TMEM74: variants seen among roughly 807,000 people sequenced by gnomAD.
TMEM74 encodes the protein transmembrane protein 74.
Under a neutral mutation model 18.1 loss-of-function variants are expected in TMEM74, and 13 were observed. The ratio of observed to expected loss-of-function variants is 0.72; its 90% CI spans 0.47 to 1.14. The LOEUF (loss-of-function observed/expected upper bound fraction) is 1.14, where lower values mean the gene tolerates loss of function less well. Among genes scored for constraint, TMEM74 ranks in the 50% most tolerant of loss-of-function variants. TMEM74 has a pLI of 0.00. For synonymous variants in TMEM74, 159 were observed against 146.6 expected (o/e 1.08, Z -0.61); for missense variants, 372 against 375.9 (o/e 0.99, Z 0.09).
intron 1 of TMEM74, among the ~76,000 whole-genome samples, chr8:108,709,353 G>A (rs1188553856): frequency 2.6e-5 from 4 of 152,082 alleles, no homozygotes; most frequent in African/African-American, 4.8e-5. Context: ...CCTTAAAAAA[G>A]AAGGGTATCC....
At chr8:108,737,651 G>T (rs913876026) in intron 1 of TMEM74, among the ~76,000 whole-genome samples, 8 of 152,028 alleles carry the variant, frequency 5.3e-5, no homozygotes, top group African/African-American at 1.9e-4. Flanking sequence ...CTGGGGTAAG[G>T]GTGTCCTTAG....
intron 1 of TMEM74, among the ~76,000 whole-genome samples, chr8:108,698,982 C>T (rs1444550110): frequency 1.3e-5 from 2 of 152,074 alleles, no homozygotes. Context: ...CAGCAGTTAA[C>T]AAATAACCCT....
chr8:108,703,730 C>A (rs1007983003), intron 1 of TMEM74, among the ~76,000 whole-genome samples: 7 of 152,216 alleles, frequency 4.6e-5, no homozygotes, highest in African/African-American at 1.7e-4. Flanking sequence ...TACTCAGCAT[C>A]TGCGGTCAAT....
chr8:108,611,551 A>G (rs1364609076), intron 2 of TMEM74, among the ~76,000 whole-genome samples: 1 of 152,202 alleles, frequency 6.6e-6, no homozygotes, highest in African/African-American at 2.4e-5. Context: ...AAATTAATAG[A>G]TAGTGCTCTT....
At chr8:108,748,347 G>A (rs1315259815) in intron 1 of TMEM74, among the ~76,000 whole-genome samples, 1 of 152,046 alleles carries the variant, frequency 6.6e-6, no homozygotes, top group Non-Finnish European at 1.5e-5. Context: ...ATGTTTGTTG[G>A]CCACATATAT....
intron 2 of TMEM74, among the ~76,000 whole-genome samples, chr8:108,618,855 G>A (rs1024737020): frequency 1.3e-5 from 2 of 152,074 alleles, no homozygotes; most frequent in African/African-American, 4.8e-5. Context: ...CACCCAGTTA[G>A]CAAAATGTGA....
chr8:108,734,828 C>A (rs1214270858), intron 1 of TMEM74, among the ~76,000 whole-genome samples: 1 of 152,198 alleles, frequency 6.6e-6, no homozygotes, highest in Non-Finnish European at 1.5e-5. Flanking sequence ...TTATCACATT[C>A]AGGCCTGTGT....
intron 1 of TMEM74, among the ~76,000 whole-genome samples, chr8:108,767,440 A>T (rs769405696): frequency 6.6e-6 from 1 of 152,130 alleles, no homozygotes; most frequent in African/African-American, 2.4e-5. Flanking sequence ...ACTCAATATT[A>T]TGTCTTTAGC....
chr8:108,777,584 A>G (rs1017689598), downstream of TMEM74, among the ~76,000 whole-genome samples: 1 of 152,214 alleles, frequency 6.6e-6, no homozygotes, highest in African/African-American at 2.4e-5. Flanking sequence ...TATTTTCTTT[A>G]GTTTATAAAA....
intron 2 of TMEM74, among the ~76,000 whole-genome samples, chr8:108,630,190 T>C (rs1375853225): frequency 6.6e-6 from 1 of 151,794 alleles, no homozygotes. Flanking sequence ...ACAATCCTAG[T>C]CTCTGAGATA....
At chr8:108,715,582 G>A (rs1813515380) in intron 1 of TMEM74, among the ~76,000 whole-genome samples, 1 of 152,078 alleles carries the variant, frequency 6.6e-6, no homozygotes, top group Non-Finnish European at 1.5e-5. Context: ...TTTATGTCAT[G>A]TAATAATGAG....
chr8:108,758,944 GC>G (rs1212810738), intron 1 of TMEM74, among the ~76,000 whole-genome samples: 1 of 151,956 alleles, frequency 6.6e-6, no homozygotes, highest in Non-Finnish European at 1.5e-5. Flanking sequence ...AAATCCAGCT[GC>G]CAAATGACGA....
intron 1 of TMEM74, among the ~76,000 whole-genome samples, chr8:108,665,845 T>C (rs1812944364): frequency 6.6e-6 from 1 of 152,182 alleles, no homozygotes; most frequent in Non-Finnish European, 1.5e-5. Flanking sequence ...TAAAGGATAC[T>C]TGATTCAAAA....
chr8:108,644,543 CT>C (rs1477573085), intron 2 of TMEM74, among the ~76,000 whole-genome samples: 2 of 152,152 alleles, frequency 1.3e-5, no homozygotes, highest in Non-Finnish European at 2.9e-5. Flanking sequence ...GCAAAAGAAA[CT>C]GTCAACAGAC....
At chr8:108,652,836 A>C in intron 2 of TMEM74, 1 of 532,576 alleles carries the variant, frequency 1.9e-6, no homozygotes, top group East Asian at 4.5e-5. Flanking sequence ...ACAGATATGA[A>C]GGTTGTATGG....
intron 2 of TMEM74, among the ~76,000 whole-genome samples, chr8:108,620,299 T>C (rs148847523): frequency 3.3e-5 from 5 of 152,288 alleles, no homozygotes; most frequent in African/African-American, 4.8e-5. Context: ...ACCATAAATA[T>C]GTAGAATTTC....
At chr8:108,749,535 T>C (rs1031193842) in intron 1 of TMEM74, among the ~76,000 whole-genome samples, 26 of 152,184 alleles carry the variant, frequency 1.7e-4, no homozygotes, top group Non-Finnish European at 2.9e-5. Flanking sequence ...GCCTATCAGC[T>C]TAAGAAGCTT....
Position 108,755,937 on chromosome 8 carries a change from AT to A in TMEM74, n.119+31538del, listed in dbSNP as rs550827240. Among the ~76,000 whole-genome samples, 763 of 152,136 alleles carry A rather than the reference AT, an allele frequency of 5.0e-3. 10 individuals are homozygous for A. The highest frequency in any genetic ancestry group is 5.6e-3 in the Non-Finnish European group (379 of 67,938). On this transcript the variant is annotated intron_variant and non_coding_transcript_variant, in intron 1 of 3. Transcript: ENST00000518838. ...TTATCAGGAATTAAGAAATATAGGA[AT>A]GGGGGGAATGGGGAGTACTTTTTCT... is the stretch of plus-strand genomic sequence containing the variant.
At chr8:108,747,747 T>C (rs904539776) in intron 1 of TMEM74, among the ~76,000 whole-genome samples, 1 of 137,950 alleles carries the variant, frequency 7.2e-6, no homozygotes, top group Admixed American at 7.3e-5. Context: ...CCAGTGTCTG[T>C]TGTTTCCCCC....
Sources: allele counts gnomAD v4.1 joint callset (sites outside exome capture counted in the v4.1 genomes callset), GRCh38; gene constraint gnomAD v4.1.1; transcripts MANE v1.5; gene names NCBI Gene and HGNC (gene_info 2026-07-23, HGNC 2026-07-21).